MAP1B: variants seen among roughly 807,000 people sequenced by gnomAD.
The protein encoded by MAP1B is microtubule associated protein 1B.
In MAP1B, 12 loss-of-function variants were observed where a neutral mutation model predicts 176.1. The observed-to-expected ratio is 0.07, with a 90% CI of 0.04 to 0.11. The LOEUF is 0.11. MAP1B is among the 10% of genes least tolerant of loss of function. The pLI, the probability that MAP1B is intolerant of heterozygous loss-of-function variation, is 1.00. For missense variants in MAP1B, 2,523 were observed against 2,990.5 expected (o/e 0.84, Z 3.65); for synonymous variants, 1,044 against 1,135.0 (o/e 0.92, Z 1.61).
rs80343568 is a variant in MAP1B at position 72,176,393 on chromosome 5, G to A, written c.287-7350G>A. On this transcript the variant is annotated intron_variant, in intron 2 of 6. Coordinates refer to ENST00000296755, the MANE Select transcript of MAP1B (RefSeq NM_005909.5). ...GTGTCACAGCACTGACCTTGGCCTT[G>A]AGTGGCCTCATGGAGCGTGACAAGG... 3.5e-3 allele frequency among the ~76,000 whole-genome samples: 539 copies of A among 152,356 alleles called. 25 individuals carry two copies. In the East Asian group the frequency reaches 0.086, roughly 24 times the overall value.
chr5:72,196,936 C>G lies in MAP1B; in HGVS notation c.3581C>G (p.Ala1194Gly). The G allele has an allele frequency of 6.2e-7, 1 of 1,614,134 alleles. No homozygotes were observed. Among genetic ancestry groups the G allele is most frequent in the Non-Finnish European group, 8.5e-7 (1 of 1,179,990 alleles). The change falls in exon 5 of 7, where the codon GCC becomes GGC. Residue 1194 changes from alanine (A) to glycine (G), a missense_variant. By Grantham distance (60) the Ala-to-Gly change is moderately conservative. Around this residue, in one of 4 missense-constraint regions of MAP1B, gnomAD observed 1,925 missense variants for 2,126.0 expected, o/e 0.91. Transcript: ENST00000296755. The surrounding 1 kb of genome is among the most constrained non-coding windows in gnomAD (Gnocchi z 5.3). ...TTTTCTGAAGGATCAAAAACAGATG[C>G]CACTGATGGCAAGGATTACAATGCT... is the stretch of plus-strand genomic sequence containing the variant. ...NGFSEGSKTDATDGKDYNASA... is the reference protein window; with the variant it reads ...NGFSEGSKTDGTDGKDYNASA...
At position 72,186,516 on chromosome 5, in the gene MAP1B, G is replaced by A; in HGVS notation, c.370-98G>A. 2.8e-6 allele frequency: 4 copies of A among 1,439,006 alleles called. No homozygotes were observed. The highest frequency in any genetic ancestry group is 4.6e-5 in the East Asian group (2 of 43,640). 89.1% of individuals were successfully genotyped at this position (1,439,006 alleles called of 1,614,324 possible). ...TTTGGGGAATGAATGCTTTTTGCTGGTAATAAACTCCCATGGCTCCGAAGG... is the reference window on the plus strand; with the variant it reads ...TTTGGGGAATGAATGCTTTTTGCTGATAATAAACTCCCATGGCTCCGAAGG... On this transcript the variant is annotated intron_variant, in intron 3 of 6. Coordinates refer to ENST00000296755, the MANE Select transcript of MAP1B (RefSeq NM_005909.5). This position sits in a 1 kb window ranked among gnomAD's most constrained non-coding sequence, Gnocchi z 4.3.
At chr5:72,179,147 GC>G (rs1746714613) in intron 2 of MAP1B, among the ~76,000 whole-genome samples, 1 of 152,016 alleles carries the variant, frequency 6.6e-6, no homozygotes. Context: ...CACTGCCCCC[GC>G]CCCGCCACCC....
Position 72,198,856 on chromosome 5 carries a change from C to A in MAP1B, c.5501C>A (p.Ala1834Asp). 1 of 1,614,190 alleles carries A rather than the reference C, an allele frequency of 6.2e-7. No individual in the cohort carries two copies. The highest frequency in any genetic ancestry group is 1.7e-5 in the Admixed American group (1 of 60,024). The stretch of plus-strand genomic sequence containing the variant: ...TCCGCAGAGCCCTATGGCTTCCGTG[C>A]CTCAGTGTTATTCGATACAATGCAA... The part of the protein sequence containing the change: ...AASAEPYGFR[A>D]SVLFDTMQHH... The change falls in exon 5 of 7, where the codon GCC becomes GAC. Residue 1834 changes from alanine (A) to aspartate (D), a missense_variant. By Grantham distance (126) the Ala-to-Asp change is moderately radical (BLOSUM62 -2). This residue lies in a region of MAP1B where 1,925 missense variants were observed against 2,126.0 expected (regional missense o/e 0.91). Coordinates refer to ENST00000296755, the MANE Select transcript of MAP1B (RefSeq NM_005909.5).
intron 1 of MAP1B, among the ~76,000 whole-genome samples, chr5:72,108,367 G>T (rs558832913): frequency 6.0e-5 from 9 of 148,774 alleles, no homozygotes; most frequent in African/African-American, 2.0e-4. Context: ...CCTCGCTACC[G>T]CCCTTGGGGC....
chr5:72,182,023 CTTTTTT>C (rs34251206), intron 2 of MAP1B, among the ~76,000 whole-genome samples: 13,436 of 95,014 alleles, frequency 0.14, 784 homozygotes, highest in East Asian at 0.38. Context: ...CGCACCTGGC[CTTTTTT>C]TTTTTTTTTT....
rs1189192796 is a variant in MAP1B, at chr5:72,183,840, C to T, written c.369+15C>T. 1 of 1,611,668 alleles carries T rather than the reference C, an allele frequency of 6.2e-7. No homozygotes were observed. Among genetic ancestry groups the T allele is most frequent in the Non-Finnish European group, 8.5e-7 (1 of 1,178,100 alleles). The stretch of plus-strand genomic sequence containing the variant: ...TCAGCACCGAGGTAAGCATTCAGCT[C>T]TGTAGAATCTGGGGCCGGGCCCCAC... On this transcript the variant is annotated intron_variant, in intron 3 of 6. Coordinates refer to ENST00000296755, the MANE Select transcript of MAP1B (RefSeq NM_005909.5).
rs1237788900 is a variant in MAP1B at position 72,204,100 on chromosome 5, T to G, written c.7251+299T>G. ...AAGATTAATTGCCCTTCCTCCAGTA[T>G]GCCAAGAGTCTTGTGTGTGTGAATC... On this transcript the variant is annotated intron_variant, in intron 6 of 6. Coordinates refer to ENST00000296755, the MANE Select transcript of MAP1B (RefSeq NM_005909.5). The surrounding 1 kb of genome is among the most constrained non-coding windows in gnomAD (Gnocchi z 4.4). Among the ~76,000 whole-genome samples, 1 of 152,226 alleles carries G rather than the reference T, an allele frequency of 6.6e-6. No homozygotes were observed. Among genetic ancestry groups the G allele is most frequent in the Non-Finnish European group, 1.5e-5 (1 of 68,036 alleles).
chr5:72,128,227 T>C (rs180912471), intron 2 of MAP1B, among the ~76,000 whole-genome samples: 62 of 152,312 alleles, frequency 4.1e-4, no homozygotes, highest in South Asian at 3.9e-3. Context: ...GTAATTATAC[T>C]GTAAACATGA....
At chr5:72,132,949 A>T (rs1745761679) in intron 2 of MAP1B, among the ~76,000 whole-genome samples, 1 of 152,146 alleles carries the variant, frequency 6.6e-6, no homozygotes, top group Non-Finnish European at 1.5e-5. Flanking sequence ...AGCATTTGCC[A>T]GCAGAGGGTT....
At chr5:72,117,747 G>T (rs1418396201) in intron 2 of MAP1B, among the ~76,000 whole-genome samples, 1 of 152,142 alleles carries the variant, frequency 6.6e-6, no homozygotes, top group African/African-American at 2.4e-5. Context: ...TACTATTCTT[G>T]CCAATGCTAG....
rs956448448 is a variant in MAP1B at position 72,209,120 on chromosome 5, G to A, written c.*3881G>A. ...AAAGGCAGCATCAAAAACTGAAAAG[G>A]AAGGGAAAAAATAGGCAGCTTCTCT... On this transcript the variant is annotated 3_prime_UTR_variant, in exon 7 of 7. Coordinates refer to ENST00000296755, the MANE Select transcript of MAP1B (RefSeq NM_005909.5). The A allele has an allele frequency of 6.6e-6, 1 of 152,086 alleles. No individual in the cohort carries two copies. Among genetic ancestry groups the A allele is most frequent in the Non-Finnish European group, 1.5e-5 (1 of 68,000 alleles). 9.4% of individuals were successfully genotyped at this position (152,086 alleles called of 1,614,324 possible).
At chr5:72,139,750 AT>A (rs1411374844) in intron 2 of MAP1B, among the ~76,000 whole-genome samples, 1 of 152,076 alleles carries the variant, frequency 6.6e-6, no homozygotes, top group East Asian at 1.9e-4. Context: ...TTAACAATGT[AT>A]TTTTTTCTTA....
intron 4 of MAP1B, among the ~76,000 whole-genome samples, chr5:72,189,568 G>T (rs1011278959): frequency 2.6e-5 from 4 of 152,140 alleles, no homozygotes; most frequent in Non-Finnish European, 5.9e-5. Flanking sequence ...TATGGCCCAT[G>T]CCTGTAATCC....
rs747104531 is a variant in MAP1B at position 72,208,203 on chromosome 5, T to C, written c.*2964T>C. The C allele has an allele frequency of 6.6e-6, 1 of 152,166 alleles. No homozygotes were observed. Among genetic ancestry groups the C allele is most frequent in the Non-Finnish European group, 1.5e-5 (1 of 68,024 alleles). 9.4% of individuals were successfully genotyped at this position (152,166 alleles called of 1,614,324 possible). On this transcript the variant is annotated 3_prime_UTR_variant, in exon 7 of 7. Transcript: ENST00000296755. ...AACCTAATTTTGCTAGTTCCATAAA[T>C]ACACGATTAGTTTAGTAACAGCCAT...
At chr5:72,108,692 C>A (rs1479038103) in intron 1 of MAP1B, among the ~76,000 whole-genome samples, 1 of 152,106 alleles carries the variant, frequency 6.6e-6, no homozygotes, top group Non-Finnish European at 1.5e-5. Context: ...TGCCCCCCCA[C>A]ACTGCGGCGC....
chr5:72,189,550 C>A (rs1390278936), intron 4 of MAP1B, among the ~76,000 whole-genome samples: 1 of 152,160 alleles, frequency 6.6e-6, no homozygotes, highest in Non-Finnish European at 1.5e-5. Flanking sequence ...GAGGTGAAGG[C>A]CAGGTGCTAT....
intron 2 of MAP1B, among the ~76,000 whole-genome samples, chr5:72,131,976 G>A (rs1273775158): frequency 6.6e-6 from 1 of 152,098 alleles, no homozygotes; most frequent in African/African-American, 2.4e-5. Flanking sequence ...ATATCTCTTG[G>A]TCCTATGTGA....
chr5:72,121,749 C>T (rs1328758652), intron 2 of MAP1B, among the ~76,000 whole-genome samples: 1 of 152,226 alleles, frequency 6.6e-6, no homozygotes, highest in Admixed American at 6.5e-5. Context: ...TGTGTTTAGT[C>T]TGTTGTGTGT....
Sources: gnomAD v4.1 joint callset for allele counts (sites outside exome capture counted in the v4.1 genomes callset) on GRCh38, gnomAD v4.1.1 for gene constraint, gnomAD v4.1.1 regional missense constraint, Gnocchi (gnomAD v3.1) non-coding constraint, MANE v1.5 for transcripts, NCBI Gene and HGNC (gene_info 2026-07-23, HGNC 2026-07-21) for gene names.